Variants in CBFB observed in about 807,000 individuals in gnomAD.
The protein encoded by CBFB is core-binding factor subunit beta.
CBFB carries 9 observed loss-of-function variants against 30.4 expected under a neutral mutation model. That is an observed-to-expected ratio of 0.30 (90% CI 0.18 to 0.52). The LOEUF (loss-of-function observed/expected upper bound fraction) is 0.52. CBFB is among the 20% of genes least tolerant of loss of function. The pLI, the probability that CBFB is intolerant of heterozygous loss-of-function variation, is 0.97. For synonymous variants in CBFB, 94 were observed against 84.0 expected, an observed-to-expected ratio of 1.12 and a Z score of -0.65; for missense variants, 170 against 244.0, an observed-to-expected ratio of 0.70 and a Z score of 2.02.
intron 5 of CBFB, among the ~76,000 whole-genome samples, chr16:67,098,028 A>C (rs1299371433): frequency 6.6e-6 from 1 of 152,264 alleles, no homozygotes; most frequent in East Asian, 1.9e-4. Context: ...ACTAAAAGGA[A>C]GAGTTTGCTT....
At chr16:67,029,618 G>T in intron 1 of CBFB, 109 bp from the exon 2 acceptor site, 2 of 1,302,730 alleles carry the variant, frequency 1.5e-6, no homozygotes, top group East Asian at 5.7e-5. Flanking sequence ...CGCCGGGGCG[G>T]CCATCGCCCG....
chr16:67,068,731 ACTGT>A (rs1567616506), intron 4 of CBFB, among the ~76,000 whole-genome samples: 1 of 152,158 alleles, frequency 6.6e-6, no homozygotes, highest in Non-Finnish European at 1.5e-5. Context: ...AGCAATATAA[ACTGT>A]CTTTGAGGGG....
intron 3 of CBFB, among the ~76,000 whole-genome samples, chr16:67,049,070 C>G (rs1966689296): frequency 6.6e-6 from 1 of 151,990 alleles, no homozygotes; most frequent in African/African-American, 2.4e-5. Flanking sequence ...ATCTACCCAC[C>G]TCGGCCTCAT....
chr16:67,035,657 A>T (rs1435605602), intron 2 of CBFB, among the ~76,000 whole-genome samples: 2 of 152,218 alleles, frequency 1.3e-5, no homozygotes, highest in Non-Finnish European at 2.9e-5. Context: ...ATTGCCCCAA[A>T]TGTGAACCTC....
chr16:67,083,517 G>T (rs1315329024), intron 5 of CBFB, among the ~76,000 whole-genome samples: 4 of 151,820 alleles, frequency 2.6e-5, no homozygotes, highest in Admixed American at 6.6e-5. Context: ...GCTGGTCTCG[G>T]ACTCCTGACC....
chr16:67,097,147 C>T (rs1474221860), intron 5 of CBFB, among the ~76,000 whole-genome samples: 1 of 152,062 alleles, frequency 6.6e-6, no homozygotes, highest in Admixed American at 6.6e-5. Flanking sequence ...GTGGGAGAAT[C>T]GCTTGAGCCG....
intron 3 of CBFB, among the ~76,000 whole-genome samples, chr16:67,055,892 A>T (rs912943453): frequency 6.6e-6 from 1 of 152,184 alleles, no homozygotes; most frequent in African/African-American, 2.4e-5. Context: ...GTCAGAACCA[A>T]GTATCTTCTA....
intron 3 of CBFB, 130 bp downstream of exon 3, chr16:67,036,885 T>C: frequency 1.6e-6 from 1 of 643,846 alleles, no homozygotes; most frequent in South Asian, 2.0e-5. Context: ...TTTCATTCCA[T>C]GTTATAAGGA....
intron 1 of CBFB, 39 bp from the exon 2 acceptor site, chr16:67,029,688 C>T (rs1293328223): frequency 2.0e-6 from 3 of 1,534,992 alleles, no homozygotes; most frequent in Admixed American, 1.8e-5. Flanking sequence ...GGCGGCGCCG[C>T]GGATTTGGCT....
chr16:67,069,223 C>T (rs963841495), intron 4 of CBFB, among the ~76,000 whole-genome samples: 18 of 151,166 alleles, frequency 1.2e-4, no homozygotes, highest in African/African-American at 3.4e-4. Context: ...TCAAAAAAAA[C>T]GCCGAGTGTT....
intron 2 of CBFB, among the ~76,000 whole-genome samples, chr16:67,030,912 T>C (rs747825630): frequency 1.3e-5 from 2 of 152,158 alleles, no homozygotes; most frequent in Admixed American, 6.5e-5. Context: ...TTTTAAAAAG[T>C]TGAAGCACTG....
chr16:67,085,252 C>G (rs575009641), intron 5 of CBFB, among the ~76,000 whole-genome samples: 1 of 151,948 alleles, frequency 6.6e-6, no homozygotes, highest in East Asian at 1.9e-4. Context: ...TCACCGCAAC[C>G]TCTGCCTCCC....
At chr16:67,030,834 T>TC (rs1303200882) in intron 2 of CBFB, among the ~76,000 whole-genome samples, 4 of 152,168 alleles carry the variant, frequency 2.6e-5, no homozygotes, top group Non-Finnish European at 4.4e-5. Flanking sequence ...CCTCAAGTGA[T>TC]CCGCCCTCCT....
At chr16:67,073,750 A>G (rs1412467595) in intron 4 of CBFB, among the ~76,000 whole-genome samples, 2 of 150,286 alleles carry the variant, frequency 1.3e-5, no homozygotes, top group Non-Finnish European at 3.0e-5. Flanking sequence ...TCAAAAAAAC[A>G]CGAGGCCGGG....
At chr16:67,040,330 A>G (rs1272285902) in intron 3 of CBFB, among the ~76,000 whole-genome samples, 1 of 152,244 alleles carries the variant, frequency 6.6e-6, no homozygotes, top group Admixed American at 6.5e-5. Flanking sequence ...CTTCTGAAGC[A>G]GCTTAGTTCT....
At chr16:67,029,669 G>A in intron 1 of CBFB, 58 bp from the exon 2 acceptor site, 4 of 1,470,952 alleles carry the variant, frequency 2.7e-6, no homozygotes, top group Non-Finnish European at 3.7e-6. Flanking sequence ...CTGGGAGGGC[G>A]GGCGCGCGGG....
In CBFB at chr16:67,099,992, G is replaced by C. The variant is rs1334780238; in HGVS notation, c.*1214G>C. 1 of 208,668 alleles carries C rather than the reference G, an allele frequency of 4.8e-6. No homozygotes were observed. The highest frequency in any genetic ancestry group is 5.9e-5 in the Admixed American group (1 of 16,870). 12.9% of individuals were successfully genotyped at this position (208,668 alleles called of 1,614,324 possible). ...GTTATATATATGGTATTTTGCAAAA[G>C]GACTATTAATAGAACCTTTTGAGAT... On this transcript the variant is annotated 3_prime_UTR_variant, in exon 6 of 6. Coordinates refer to ENST00000412916, the MANE Select transcript of CBFB (RefSeq NM_022845.3).
At chr16:67,071,765 C>T (rs1460581355) in intron 4 of CBFB, among the ~76,000 whole-genome samples, 13 of 152,238 alleles carry the variant, frequency 8.5e-5, no homozygotes, top group Non-Finnish European at 1.8e-4. Context: ...CAGTATCTAG[C>T]GTGCAGTACA....
chr16:67,074,989 T>TG (rs1392971608), intron 4 of CBFB, among the ~76,000 whole-genome samples: 3 of 152,022 alleles, frequency 2.0e-5, no homozygotes, highest in Non-Finnish European at 1.5e-5. Flanking sequence ...GGCCAGGAGT[T>TG]GGAGACCAGC....
Sources: allele counts gnomAD v4.1 joint callset (sites outside exome capture counted in the v4.1 genomes callset), GRCh38; gene constraint gnomAD v4.1.1; transcripts MANE v1.5; gene names NCBI Gene and HGNC (gene_info 2026-07-23, HGNC 2026-07-21).